SH3GL1: variants seen among roughly 807,000 people sequenced by gnomAD.
SH3GL1 encodes the protein endophilin-A2.
In SH3GL1, 21 loss-of-function variants were observed where a neutral mutation model predicts 48.8. The ratio of observed to expected loss-of-function variants is 0.43; its 90% CI spans 0.30 to 0.62. SH3GL1 has a LOEUF of 0.62. SH3GL1 is among the 20% of genes least tolerant of loss of function. The probability of loss-of-function intolerance (pLI) is 0.11; values close to 1 mark genes in which losing one functional copy is unlikely to be tolerated. For missense variants in SH3GL1, 454 were observed against 503.0 expected, an observed-to-expected ratio of 0.90 and a Z score of 0.93; for synonymous variants, 282 against 217.5, an observed-to-expected ratio of 1.30 and a Z score of -2.61.
At chr19:4,362,475 G>A in intron 8 of SH3GL1, 90 bp from the exon 9 acceptor site, 1 of 1,569,522 alleles carries the variant, frequency 6.4e-7, no homozygotes, top group Admixed American at 1.9e-5. Flanking sequence ...CTTCCCGTCT[G>A]CCTTGGCGGT....
intron 1 of SH3GL1, among the ~76,000 whole-genome samples, chr19:4,392,049 G>A (rs576161300): frequency 5.4e-4 from 83 of 152,308 alleles, no homozygotes; most frequent in Non-Finnish European, 9.8e-4. Context: ...CGAGGGAGAG[G>A]GGGCTTCCGG....
At chr19:4,383,962 T>C (rs749691063) in intron 1 of SH3GL1, among the ~76,000 whole-genome samples, 2 of 152,216 alleles carry the variant, frequency 1.3e-5, no homozygotes, top group Non-Finnish European at 2.9e-5. Context: ...GATTTTTTGC[T>C]GCTCTGCACT....
chr19:4,366,490 GGAGCACC>G lies in SH3GL1; in HGVS notation c.187+4_187+10del. 1 of 1,606,646 alleles carries G rather than the reference GGAGCACC, an allele frequency of 6.2e-7. No individual in the cohort carries two copies. The highest frequency in any genetic ancestry group is 8.5e-7 in the Non-Finnish European group (1 of 1,177,070). ...CCTGGGGCAGGCCCTGGCAGTGGCT[GGAGCACC>G]CACCTGGGTTGGGCTGCAGGTACTC... On this transcript the variant is annotated splice_donor_5th_base_variant and intron_variant, in intron 3 of 9. Transcript: ENST00000269886.
In SH3GL1 at chr19:4,389,653, G is replaced by A. The variant is rs73918207; in HGVS notation, c.45+10671C>T. On this transcript the variant is annotated intron_variant, in intron 1 of 9. Coordinates refer to ENST00000269886, the MANE Select transcript of SH3GL1 (RefSeq NM_003025.4). The surrounding 1 kb of genome is among the most constrained non-coding windows in gnomAD (Gnocchi z 4.5). Reference sequence around the variant, plus strand: ...CTCTAGGGCGTGCTCACACAAACTCGACACGAGGCCATCCGCTGTAGGGTG... The same window carrying A: ...CTCTAGGGCGTGCTCACACAAACTCAACACGAGGCCATCCGCTGTAGGGTG... Among the ~76,000 whole-genome samples the A allele has an allele frequency of 1.3e-3, 202 of 152,276 alleles. 1 individual carries two copies. The highest frequency in any genetic ancestry group is 4.5e-3 in the African/African-American group (187 of 41,556).
At chr19:4,377,423 GCA>G (rs1342560399) in intron 1 of SH3GL1, among the ~76,000 whole-genome samples, 1 of 152,232 alleles carries the variant, frequency 6.6e-6, no homozygotes, top group Non-Finnish European at 1.5e-5. Flanking sequence ...TGCCTATCTG[GCA>G]CACTTACACA....
At position 4,365,575 on chromosome 19, in the gene SH3GL1, G is replaced by A; in HGVS notation, c.238C>T (p.Gln80Ter). ...TGCGGGTAGCCGGGGTTCTTCACCTGGCCCCGGATCTTGGACACCGTGTTG... is the reference window on the plus strand; with the variant it reads ...TGCGGGTAGCCGGGGTTCTTCACCTAGCCCCGGATCTTGGACACCGTGTTG... The part of the protein sequence containing the change: ...MLNTVSKIRG[Q>*]VKNPGYPQSE... The change falls in exon 4 of 10, where the codon CAG becomes TAG. Residue 80 changes from glutamine to a stop codon, truncating the protein, a stop_gained. Coordinates refer to ENST00000269886, the MANE Select transcript of SH3GL1 (RefSeq NM_003025.4). LOFTEE classifies it high-confidence loss of function. 6.2e-7 allele frequency: 1 copy of A among 1,614,144 alleles called. No individual in the cohort carries two copies. Among genetic ancestry groups the A allele is most frequent in the Non-Finnish European group, 8.5e-7 (1 of 1,180,044 alleles).
At chr19:4,382,414 C>G (rs914849345) in intron 1 of SH3GL1, among the ~76,000 whole-genome samples, 1 of 151,890 alleles carries the variant, frequency 6.6e-6, no homozygotes, top group Admixed American at 6.6e-5. Context: ...CCCACTACCA[C>G]GCCCGGCTAA....
intron 1 of SH3GL1, among the ~76,000 whole-genome samples, chr19:4,373,340 C>T (rs1003355079): frequency 2.6e-5 from 4 of 152,206 alleles, no homozygotes. Context: ...CTCCCCTCAG[C>T]ATCTGGGAGT....
chr19:4,398,768 G>C (rs1317714835), intron 1 of SH3GL1, among the ~76,000 whole-genome samples: 1 of 152,152 alleles, frequency 6.6e-6, no homozygotes, highest in East Asian at 1.9e-4. Flanking sequence ...CCAGATTCAT[G>C]AGCAGTGGGC....
At chr19:4,370,186 G>A (rs993317531) in intron 1 of SH3GL1, among the ~76,000 whole-genome samples, 3 of 152,200 alleles carry the variant, frequency 2.0e-5, no homozygotes, top group African/African-American at 7.2e-5. Flanking sequence ...GCCTGTTGTG[G>A]GGCAGCCAGC....
intron 1 of SH3GL1, among the ~76,000 whole-genome samples, chr19:4,368,780 T>G (rs1972835546): frequency 6.6e-6 from 1 of 151,978 alleles, no homozygotes; most frequent in African/African-American, 2.4e-5. Context: ...TTCTTAAAAA[T>G]CCCCTCGTTG....
At chr19:4,397,688 A>C (rs541364664) in intron 1 of SH3GL1, among the ~76,000 whole-genome samples, 1 of 152,276 alleles carries the variant, frequency 6.6e-6, no homozygotes, top group Admixed American at 6.5e-5. Flanking sequence ...GGGCCAGGCC[A>C]TCTGATTTCA....
rs898485573 is a variant in SH3GL1, at chr19:4,361,435, C to A, written c.*165G>T. The A allele has an allele frequency of 1.5e-5, 9 of 603,634 alleles. No homozygotes were observed. Among genetic ancestry groups the A allele is most frequent in the African/African-American group, 1.5e-4 (8 of 53,738 alleles). The allele number at this position is 603,634 out of a possible 1,614,324, so 37.4% of individuals were successfully genotyped here. A position where few individuals can be genotyped will look rare whatever the true frequency, so the allele number is the denominator to read the frequency against. On this transcript the variant is annotated 3_prime_UTR_variant, in exon 10 of 10. Transcript: ENST00000269886. ...CCACCCACCCAGATAAGCCCCCCCA[C>A]CCAAGTGTGGGGTCCTGCTCAGGGA...
At position 4,362,721 on chromosome 19, in the gene SH3GL1, G is replaced by A. The variant is rs549346674; in HGVS notation, c.744C>T (p.Ser248=). 2.5e-6 allele frequency: 4 copies of A among 1,614,022 alleles called. No homozygotes were observed. The highest frequency in any genetic ancestry group is 1.1e-5 in the South Asian group (1 of 91,088). Residue 248 remains serine, a synonymous_variant, in exon 8 of 10, where the codon TCC becomes TCT. Coordinates refer to ENST00000269886, the MANE Select transcript of SH3GL1 (RefSeq NM_003025.4). ...GCTTATACTCCCGCTTAGGGCGTGA[G>A]GAAGCTTCCCGCATCCTGTGAAGGG... ...EKLKRRMREA[S]SRPKREYKPK...
At chr19:4,365,687 C>A in intron 3 of SH3GL1, 62 bp from the exon 4 acceptor site, 1 of 1,601,680 alleles carries the variant, frequency 6.2e-7, no homozygotes, top group Non-Finnish European at 8.5e-7. Context: ...CCCTGGCAGA[C>A]TGCAGCCCCC....
intron 8 of SH3GL1, 39 bp from the exon 9 acceptor site, chr19:4,362,424 C>A (rs773852188): frequency 6.3e-7 from 1 of 1,596,008 alleles, no homozygotes; most frequent in Non-Finnish European, 8.5e-7. Flanking sequence ...GGGCTCAAAA[C>A]GGTCGGGCAG....
intron 9 of SH3GL1, 101 bp from the exon 10 acceptor site, chr19:4,361,897 G>GAGGGGA: frequency 3.5e-6 from 3 of 852,000 alleles, no homozygotes; most frequent in South Asian, 1.5e-5. Flanking sequence ...GGGTGGGCAT[G>GAGGGGA]GGCCTCCCCT....
chr19:4,376,367 G>A lies in SH3GL1; in HGVS notation c.46-9373C>T, dbSNP rs752692132. ...GCGCCCGCTCACAGCTCTGCCCACCGTGCATTCTGTAGAGAACCTCAGCGC... is the reference window on the plus strand; with the variant it reads ...GCGCCCGCTCACAGCTCTGCCCACCATGCATTCTGTAGAGAACCTCAGCGC... On this transcript the variant is annotated intron_variant, in intron 1 of 9. Transcript: ENST00000269886. This position sits in a 1 kb window ranked among gnomAD's most constrained non-coding sequence, Gnocchi z 4.3. Among the ~76,000 whole-genome samples the A allele has an allele frequency of 5.3e-5, 8 of 152,276 alleles. No individual in the cohort carries two copies. Among genetic ancestry groups the A allele is most frequent in the Admixed American group, 2.6e-4 (4 of 15,296 alleles).
chr19:4,389,452 G>A lies in SH3GL1; in HGVS notation c.45+10872C>T, dbSNP rs575527393. Reference sequence around the variant, plus strand: ...GGAGAGGCCGGTGACATGGACAGGAGGCAGGAGAGTACAGGGCCCCACACA... The same window carrying A: ...GGAGAGGCCGGTGACATGGACAGGAAGCAGGAGAGTACAGGGCCCCACACA... On this transcript the variant is annotated intron_variant, in intron 1 of 9. Coordinates refer to ENST00000269886, the MANE Select transcript of SH3GL1 (RefSeq NM_003025.4). The surrounding 1 kb of genome is among the most constrained non-coding windows in gnomAD (Gnocchi z 4.5). 9.9e-5 allele frequency among the ~76,000 whole-genome samples: 15 copies of A among 152,240 alleles called. No homozygotes were observed. The highest frequency in any genetic ancestry group is 2.6e-4 in the Admixed American group (4 of 15,300).
Sources: gnomAD v4.1 joint callset for allele counts (sites outside exome capture counted in the v4.1 genomes callset) on GRCh38, gnomAD v4.1.1 for gene constraint, Gnocchi (gnomAD v3.1) non-coding constraint, MANE v1.5 for transcripts, NCBI Gene and HGNC (gene_info 2026-07-23, HGNC 2026-07-21) for gene names.